TNR: variants seen among roughly 807,000 people sequenced by gnomAD.
The protein encoded by TNR is tenascin-R.
Under a neutral mutation model 150.4 loss-of-function variants are expected in TNR, and 45 were observed. The ratio of observed to expected loss-of-function variants is 0.30; its 90% confidence interval spans 0.24 to 0.38. The LOEUF is 0.38. TNR is among the 10% of genes least tolerant of loss of function. The probability of loss-of-function intolerance (pLI) is 1.00; values close to 1 mark genes in which losing one functional copy is unlikely to be tolerated. For missense variants in TNR, 1,544 were observed against 1,759.1 expected (o/e 0.88, Z 2.19); for synonymous variants, 687 against 678.4 (o/e 1.01, Z -0.20).
intron 4 of TNR, among the ~76,000 whole-genome samples, chr1:175,399,689 T>C (rs1653606671): frequency 6.6e-6 from 1 of 152,172 alleles, no homozygotes; most frequent in African/African-American, 2.4e-5. Context: ...GAATTCACGG[T>C]GGGTGCAAAG....
intron 1 of TNR, among the ~76,000 whole-genome samples, chr1:175,544,645 T>C (rs1660618077): frequency 6.6e-6 from 1 of 152,118 alleles, no homozygotes; most frequent in African/African-American, 2.4e-5. Flanking sequence ...TGGATATGAG[T>C]ACTCAAAGAA....
chr1:175,398,759 C>A (rs1653558820), intron 4 of TNR, among the ~76,000 whole-genome samples: 1 of 152,192 alleles, frequency 6.6e-6, no homozygotes, highest in Non-Finnish European at 1.5e-5. Context: ...GACTATAAAC[C>A]TTCTTAGCCA....
At chr1:175,341,943 G>A (rs1046236346) in intron 18 of TNR, among the ~76,000 whole-genome samples, 7 of 152,228 alleles carry the variant, frequency 4.6e-5, no homozygotes, top group Middle Eastern at 3.2e-3. Flanking sequence ...GCCTAAGTCT[G>A]CCAACAGGAC....
intron 1 of TNR, among the ~76,000 whole-genome samples, chr1:175,634,259 A>G (rs948462039): frequency 1.3e-5 from 2 of 152,206 alleles, no homozygotes; most frequent in African/African-American, 4.8e-5. Context: ...AAGACAATGC[A>G]GATGCTGATG....
intron 1 of TNR, among the ~76,000 whole-genome samples, chr1:175,610,511 A>T (rs1251719746): frequency 6.6e-6 from 1 of 152,228 alleles, no homozygotes; most frequent in African/African-American, 2.4e-5. Flanking sequence ...GTGAGCATAC[A>T]ACTCCCCTTT....
chr1:175,445,202 G>A (rs111817210), intron 2 of TNR, among the ~76,000 whole-genome samples: 17,351 of 152,156 alleles, frequency 0.11, 1,277 homozygotes, highest in East Asian at 0.22. Context: ...CCTGGGAGGC[G>A]GAGGTTGCAG....
chr1:175,354,631 A>G, intron 17 of TNR, 108 bp from the exon 18 acceptor site: 1 of 1,412,954 alleles, frequency 7.1e-7, no homozygotes, highest in Non-Finnish European at 9.8e-7. Flanking sequence ...TCAGTATTGC[A>G]ATGGCCATTG....
Position 175,587,401 on chromosome 1 carries a change from T to C in TNR, c.-164-59032A>G, listed in dbSNP as rs117431730. On this transcript the variant is annotated intron_variant, in intron 1 of 22. Transcript: ENST00000367674. ...AGTGAATTATTTAATCCTTTTGAGC[T>C]TCAGTTTTCTCTTTTATAAAACTGA... Among the ~76,000 whole-genome samples, 261 of 152,338 alleles carry C rather than the reference T, an allele frequency of 1.7e-3. 4 individuals carry two copies. The East Asian group carries it at 0.042, about 24-fold the overall frequency.
intron 19 of TNR, 93 bp downstream of exon 19, chr1:175,337,435 G>A: frequency 2.0e-6 from 3 of 1,481,488 alleles, no homozygotes; most frequent in Non-Finnish European, 1.9e-6. Context: ...AGGATGGCCA[G>A]GAGGATGGTG....
intron 1 of TNR, among the ~76,000 whole-genome samples, chr1:175,733,147 A>C (rs2101955460): frequency 6.6e-6 from 1 of 152,358 alleles, no homozygotes; most frequent in South Asian, 2.1e-4. Context: ...TGCCACTGGC[A>C]AATAATCTCT....
chr1:175,381,118 C>T (rs979972610), intron 8 of TNR, among the ~76,000 whole-genome samples: 10 of 152,140 alleles, frequency 6.6e-5, no homozygotes, highest in East Asian at 1.9e-4. Flanking sequence ...GTATTCTTGA[C>T]GTGTTATGTG....
intron 15 of TNR, among the ~76,000 whole-genome samples, chr1:175,357,939 G>A (rs1047496161): frequency 6.6e-6 from 1 of 152,234 alleles, no homozygotes; most frequent in Admixed American, 6.5e-5. Flanking sequence ...TGCTCTGTTA[G>A]AGCTGTGTGT....
At chr1:175,588,485 G>C (rs935639968) in intron 1 of TNR, among the ~76,000 whole-genome samples, 1 of 152,022 alleles carries the variant, frequency 6.6e-6, no homozygotes, top group African/African-American at 2.4e-5. Flanking sequence ...GTAGCTGCTG[G>C]GATTATCACA....
intron 1 of TNR, among the ~76,000 whole-genome samples, chr1:175,569,912 T>C (rs918067493): frequency 6.6e-6 from 1 of 152,194 alleles, no homozygotes; most frequent in African/African-American, 2.4e-5. Context: ...TCTCTAGTCA[T>C]CCATGTACCC....
intron 15 of TNR, among the ~76,000 whole-genome samples, chr1:175,357,127 T>G (rs1012244244): frequency 6.6e-6 from 1 of 152,212 alleles, no homozygotes; most frequent in African/African-American, 2.4e-5. Context: ...TTTATACCCA[T>G]GGACAGAGCT....
intron 2 of TNR, among the ~76,000 whole-genome samples, chr1:175,417,641 C>G (rs1427823764): frequency 6.7e-6 from 1 of 149,378 alleles, no homozygotes; most frequent in African/African-American, 2.5e-5. Context: ...TGATTGCTTG[C>G]TTTTTTTTTT....
chr1:175,561,293 T>C (rs1661415388), intron 1 of TNR, among the ~76,000 whole-genome samples: 1 of 152,200 alleles, frequency 6.6e-6, no homozygotes, highest in South Asian at 2.1e-4. Context: ...CTCATTTCTC[T>C]CCTATCTCTT....
intron 1 of TNR, among the ~76,000 whole-genome samples, chr1:175,735,342 C>T (rs1667745060): frequency 6.6e-6 from 1 of 152,166 alleles, no homozygotes; most frequent in Admixed American, 6.5e-5. Context: ...AGCTGATCTG[C>T]TCTCCACACC....
At chr1:175,675,893 C>A (rs986103184) in intron 1 of TNR, among the ~76,000 whole-genome samples, 3 of 152,044 alleles carry the variant, frequency 2.0e-5, no homozygotes, top group Admixed American at 6.6e-5. Context: ...ATGAAAGATG[C>A]CCTGGAAACA....
Sources: allele counts gnomAD v4.1 joint callset (sites outside exome capture counted in the v4.1 genomes callset), GRCh38; gene constraint gnomAD v4.1.1; transcripts MANE v1.5; gene names NCBI Gene and HGNC (gene_info 2026-07-23, HGNC 2026-07-21).